PPP1R36: variants seen among roughly 807,000 people sequenced by gnomAD.
PPP1R36 encodes the protein chromosome 14 open reading frame 50.
PPP1R36 carries 47 observed loss-of-function variants against 53.4 expected under a neutral mutation model. That is an observed-to-expected ratio of 0.88 (90% CI 0.70 to 1.12). The LOEUF is 1.12. Ranked by LOEUF, PPP1R36 falls within the 50% of genes most tolerant of loss-of-function variation. PPP1R36 has a pLI of 0.00. For synonymous variants in PPP1R36, 153 were observed against 170.5 expected, an observed-to-expected ratio of 0.90 and a Z score of 0.80; for missense variants, 456 against 513.9, an observed-to-expected ratio of 0.89 and a Z score of 1.09.
chr14:64,587,399 CAGGGGTATTT>C, intron 10 of PPP1R36, 27 bp downstream of exon 10: 1 of 1,340,792 alleles, frequency 7.5e-7, no homozygotes, highest in Non-Finnish European at 1.0e-6. Flanking sequence ...TTCCTATGCT[CAGGGGTATTT>C]CTTTTCTTCC....
At position 64,585,027 on chromosome 14, in the gene PPP1R36, C is replaced by T. The variant is rs540178591; in HGVS notation, c.669-1810C>T. On this transcript the variant is annotated intron_variant, in intron 8 of 11. Transcript: ENST00000298705. ...GAGGGGAGGGGCAGGCCCCAGTAAC[C>T]ACCTCTTTGGCCTCATTCCCCAAGT... Among the ~76,000 whole-genome samples the T allele has an allele frequency of 2.0e-5, 3 of 152,278 alleles. No homozygotes were observed. The East Asian group carries it at 5.8e-4, about 29-fold the overall frequency.
chr14:64,569,056 A>G (rs929079828), intron 7 of PPP1R36, among the ~76,000 whole-genome samples: 2 of 152,154 alleles, frequency 1.3e-5, no homozygotes, highest in Non-Finnish European at 1.5e-5. Context: ...AAATTAATAT[A>G]TTTGGCCAAA....
chr14:64,583,104 C>T (rs1049118228), intron 8 of PPP1R36, among the ~76,000 whole-genome samples: 4 of 147,996 alleles, frequency 2.7e-5, no homozygotes, highest in Non-Finnish European at 6.0e-5. Flanking sequence ...GTAGAGATCG[C>T]GTTTTGCCAT....
At chr14:64,582,736 C>T (rs187472999) in intron 8 of PPP1R36, among the ~76,000 whole-genome samples, 1 of 152,210 alleles carries the variant, frequency 6.6e-6, no homozygotes, top group African/African-American at 2.4e-5. Context: ...TCACTTGTTT[C>T]TCTTCACTGT....
intron 3 of PPP1R36, among the ~76,000 whole-genome samples, chr14:64,555,778 A>G (rs2080144888): frequency 1.3e-5 from 2 of 152,122 alleles, no homozygotes; most frequent in African/African-American, 4.8e-5. Flanking sequence ...GCACAGTCCC[A>G]CCCAGCAAGT....
intron 7 of PPP1R36, 108 bp from the exon 8 acceptor site, chr14:64,574,345 ACT>A: frequency 1.8e-6 from 2 of 1,129,322 alleles, no homozygotes; most frequent in East Asian, 2.4e-5. Context: ...GCAGAGCAAG[ACT>A]CTGTCTTAAA....
intron 8 of PPP1R36, among the ~76,000 whole-genome samples, chr14:64,578,561 C>G (rs1566657125): frequency 6.6e-6 from 1 of 152,154 alleles, no homozygotes; most frequent in African/African-American, 2.4e-5. Flanking sequence ...CAATGAGATA[C>G]TATTTCACAT....
Position 64,552,811 on chromosome 14 carries a change from C to G in PPP1R36, c.135-3C>G. 6.2e-7 allele frequency: 1 copy of G among 1,613,510 alleles called. No homozygotes were observed. The highest frequency in any genetic ancestry group is 8.5e-7 in the Non-Finnish European group (1 of 1,179,502). On this transcript the variant is annotated splice_region_variant and splice_polypyrimidine_tract_variant and intron_variant, in intron 2 of 11. Transcript: ENST00000298705. The stretch of plus-strand genomic sequence containing the variant: ...AAGCAGTAATTTCAGTTTTCTTTCT[C>G]AGGTTTGCCGCAGAAGATTCTGTCC...
intron 8 of PPP1R36, among the ~76,000 whole-genome samples, chr14:64,576,420 C>T (rs974073067): frequency 6.6e-6 from 1 of 152,104 alleles, no homozygotes; most frequent in Non-Finnish European, 1.5e-5. Context: ...TTCCAAGTTA[C>T]CCAGGGTCTG....
At chr14:64,550,359 G>C in intron 1 of PPP1R36, 1 of 1,040,076 alleles carries the variant, frequency 9.6e-7, no homozygotes, top group Non-Finnish European at 1.2e-6. Context: ...GACCTACTGC[G>C]GGGGAAGCAG....
At chr14:64,565,827 C>T in intron 6 of PPP1R36, 135 bp downstream of exon 6, 1 of 685,586 alleles carries the variant, frequency 1.5e-6, no homozygotes. Flanking sequence ...CTCTCAGGAC[C>T]TAGTCACAAA....
rs1227272361 is a variant in PPP1R36, at chr14:64,550,064, G to T, written c.67G>T (p.Asp23Tyr). 2 of 1,561,696 alleles carry T rather than the reference G, an allele frequency of 1.3e-6. No homozygotes were observed. The highest frequency in any genetic ancestry group is 8.7e-7 in the Non-Finnish European group (1 of 1,152,738). Residue 23 changes from aspartate (D) to tyrosine (Y), a missense_variant and splice_region_variant, in exon 1 of 12, where the codon GAT becomes TAT. Coordinates refer to ENST00000298705, the MANE Select transcript of PPP1R36 (RefSeq NM_172365.3). Reference protein sequence around the residue: ...RLGGQTPYLMDQLGLRLGMWY... With the variant: ...RLGGQTPYLMYQLGLRLGMWY... The stretch of plus-strand genomic sequence containing the variant: ...AGGTGGGCAGACCCCTTACTTGATG[G>T]ATGTAAGTGCAGCCTTGGTCGCCCC...
At chr14:64,573,382 A>T (rs973820127) in intron 7 of PPP1R36, among the ~76,000 whole-genome samples, 1 of 152,138 alleles carries the variant, frequency 6.6e-6, no homozygotes, top group Non-Finnish European at 1.5e-5. Flanking sequence ...ACACAGCTAC[A>T]CTCAAAATGG....
At position 64,550,974 on chromosome 14, in the gene PPP1R36, T is replaced by C; in HGVS notation, c.123T>C (p.Leu41=). The C allele has an allele frequency of 6.2e-7, 1 of 1,604,022 alleles. No individual in the cohort carries two copies. The change falls in exon 2 of 12, where the codon CTT becomes CTC. Residue 41 remains leucine, a synonymous_variant. Coordinates refer to ENST00000298705, the MANE Select transcript of PPP1R36 (RefSeq NM_172365.3). Reference sequence around the variant, plus strand: ...ACTGGAAAGATGAAACCAGAACTCTTGAATTCAGAAGGTAAAATTTAACAA... The same window carrying C: ...ACTGGAAAGATGAAACCAGAACTCTCGAATTCAGAAGGTAAAATTTAACAA... ...MWYWKDETRT[L]EFRRFAAEDS...
rs896269333 is a variant in PPP1R36, at chr14:64,588,064, C to T, written c.891-40C>T. 6 of 1,533,810 alleles carry T rather than the reference C, an allele frequency of 3.9e-6. No individual in the cohort carries two copies. In the African/African-American group the frequency reaches 6.9e-5, roughly 18 times the overall value. ...TGGCCTCAAGAACATTTCTAGAAAACAGGGTGATATGACCTAAATGTCACC... is the reference window on the plus strand; with the variant it reads ...TGGCCTCAAGAACATTTCTAGAAAATAGGGTGATATGACCTAAATGTCACC... On this transcript the variant is annotated intron_variant, in intron 10 of 11. Transcript: ENST00000298705.
chr14:64,587,047 G>A (rs2080438833), intron 9 of PPP1R36, 147 bp from the exon 10 acceptor site: 2 of 795,470 alleles, frequency 2.5e-6, no homozygotes, highest in Admixed American at 5.6e-5. Context: ...ATGCAAAAGT[G>A]AGTATGTGTA....
chr14:64,565,265 C>A, intron 4 of PPP1R36, 92 bp from the exon 5 acceptor site: 1 of 816,320 alleles, frequency 1.2e-6, no homozygotes, highest in South Asian at 1.9e-5. Flanking sequence ...GCTCTTATTA[C>A]TTTTTAATAA....
Position 64,552,813 on chromosome 14 carries a change from G to T in PPP1R36, c.135-1G>T, listed in dbSNP as rs1555350936. The T allele has an allele frequency of 6.2e-7, 1 of 1,613,666 alleles. No homozygotes were observed. Among genetic ancestry groups the T allele is most frequent in the Non-Finnish European group, 8.5e-7 (1 of 1,179,620 alleles). Reference sequence around the variant, plus strand: ...GCAGTAATTTCAGTTTTCTTTCTCAGGTTTGCCGCAGAAGATTCTGTCCAG... The same window carrying T: ...GCAGTAATTTCAGTTTTCTTTCTCATGTTTGCCGCAGAAGATTCTGTCCAG... On this transcript the variant is annotated splice_acceptor_variant, in intron 2 of 11. Coordinates refer to ENST00000298705, the MANE Select transcript of PPP1R36 (RefSeq NM_172365.3). LOFTEE classifies it high-confidence loss of function.
Position 64,550,033 on chromosome 14 carries a change from GC to G in PPP1R36, c.37del (p.Arg13GlyfsTer2). ...RVPEFYARRK[R>X]LGGQTPYLMD... is the part of the protein sequence containing the mutation. ...TGCCCGAGTTTTATGCGAGGAGGAA[GC>G]GGTTAGGTGGGCAGACCCCTTACTT... is the stretch of plus-strand genomic sequence containing the variant. On this transcript the variant is annotated frameshift_variant, in exon 1 of 12. Transcript: ENST00000298705. LOFTEE classifies it high-confidence loss of function. 1 of 1,574,318 alleles carries G rather than the reference GC, an allele frequency of 6.4e-7. No homozygotes were observed. Among genetic ancestry groups the G allele is most frequent in the East Asian group, 2.3e-5 (1 of 42,614 alleles).
Sources: gnomAD v4.1 joint callset for allele counts (sites outside exome capture counted in the v4.1 genomes callset) on GRCh38, gnomAD v4.1.1 for gene constraint, MANE v1.5 for transcripts, NCBI Gene and HGNC (gene_info 2026-07-23, HGNC 2026-07-21) for gene names.